Variants in DUSP16 observed in about 807,000 individuals in gnomAD.
DUSP16 encodes the protein dual specificity phosphatase 16.
In DUSP16, 21 loss-of-function variants were observed where a neutral mutation model predicts 58.3. The ratio of observed to expected loss-of-function variants is 0.36; its 90% CI spans 0.26 to 0.52. The LOEUF (loss-of-function observed/expected upper bound fraction) is 0.52. Ranked by LOEUF, DUSP16 falls within the 20% of genes least tolerant of loss-of-function variation. The probability of loss-of-function intolerance (pLI) is 0.94; values close to 1 mark genes in which losing one functional copy is unlikely to be tolerated. For missense variants in DUSP16, 726 were observed against 819.0 expected (o/e 0.89, Z 1.39); for synonymous variants, 320 against 323.8 (o/e 0.99, Z 0.12).
chr12:12,478,748 C>T (rs1356661528), intron 6 of DUSP16, among the ~76,000 whole-genome samples: 1 of 152,172 alleles, frequency 6.6e-6, no homozygotes, highest in Non-Finnish European at 1.5e-5. Context: ...CAATGTCATC[C>T]CCTCTTAAAG....
At chr12:12,548,676 A>T (rs747893814) in intron 1 of DUSP16, among the ~76,000 whole-genome samples, 3 of 151,454 alleles carry the variant, frequency 2.0e-5, no homozygotes, top group Non-Finnish European at 4.4e-5. Flanking sequence ...GAAAAAAAAG[A>T]AATATTTTGC....
chr12:12,534,804 G>C (rs1292796860), intron 1 of DUSP16, among the ~76,000 whole-genome samples: 1 of 152,024 alleles, frequency 6.6e-6, no homozygotes, highest in African/African-American at 2.4e-5. Context: ...TCTTTGATTT[G>C]TTACTCTAAA....
chr12:12,547,953 GGAA>G lies in DUSP16; in HGVS notation c.-366+14161_-366+14163del, dbSNP rs1428600494. On this transcript the variant is annotated intron_variant, in intron 1 of 6. Transcript: ENST00000298573. The stretch of plus-strand genomic sequence containing the variant: ...TCTGGTTTACATATAATGAGGAGAG[GGAA>G]GAAGAAGAGAATCAACCCGAGCCCT... 5.3e-5 allele frequency among the ~76,000 whole-genome samples: 8 copies of G among 152,236 alleles called. No individual in the cohort carries two copies. In the South Asian group the frequency reaches 6.2e-4, roughly 12 times the overall value.
rs779246933 is a variant in DUSP16, at chr12:12,477,410, G to A, written c.1421C>T (p.Ala474Val). Reference protein sequence around the residue: ...EASIPKKLQTARPSDSQSKRL... With the variant: ...EASIPKKLQTVRPSDSQSKRL... The stretch of plus-strand genomic sequence containing the variant: ...CTTGCTCTGGCTGTCTGAAGGCCTG[G>A]CGGTCTGCAGCTTCTTGGGGATGCT... The change falls in exon 7 of 7, where the codon GCC becomes GTC. Residue 474 changes from alanine (A) to valine (V), a missense_variant. By Grantham distance (64) the Ala-to-Val change is moderately conservative (BLOSUM62 0). Coordinates refer to ENST00000298573, the MANE Select transcript of DUSP16 (RefSeq NM_030640.3). This position sits in a 1 kb window ranked among gnomAD's most constrained non-coding sequence, Gnocchi z 4.1. The A allele has an allele frequency of 1.9e-6, 3 of 1,610,520 alleles. No individual in the cohort carries two copies. The highest frequency in any genetic ancestry group is 3.4e-5 in the Admixed American group (2 of 59,582).
At chr12:12,490,714 A>G (rs1303984859) in intron 4 of DUSP16, among the ~76,000 whole-genome samples, 2 of 152,220 alleles carry the variant, frequency 1.3e-5, no homozygotes, top group African/African-American at 4.8e-5. Context: ...AAAGAAGAGC[A>G]GGAACTTGTA....
rs61758451 is a variant in DUSP16, at chr12:12,480,270, G to A, written c.768C>T (p.Ile256=). The change falls in exon 6 of 7, where the codon ATC becomes ATT. Residue 256 remains isoleucine, a synonymous_variant. Transcript: ENST00000298573. ...TGTCCATCCTCTTCATGATGTAGGCGATAGCGATGGTGGCGGAGCGGGAGA... is the reference window on the plus strand; with the variant it reads ...TGTCCATCCTCTTCATGATGTAGGCAATAGCGATGGTGGCGGAGCGGGAGA... The part of the protein sequence containing the change: ...AGISRSATIA[I]AYIMKRMDMS... 10,224 of 1,614,172 alleles carry A rather than the reference G, an allele frequency of 6.3e-3. 43 individuals carry two copies. The highest frequency in any genetic ancestry group is 0.012 in the Middle Eastern group (72 of 6,062).
chr12:12,474,440 T>C lies in DUSP16; in HGVS notation c.*2393A>G, dbSNP rs1276931103. On this transcript the variant is annotated 3_prime_UTR_variant, in exon 7 of 7. Coordinates refer to ENST00000298573, the MANE Select transcript of DUSP16 (RefSeq NM_030640.3). ...TTCTCACATAGAAGTCTAGTTTTGC[T>C]CTTTAAAATCACCATCTGTATCACC... 1 of 152,250 alleles carries C rather than the reference T, an allele frequency of 6.6e-6. No individual in the cohort carries two copies. 9.4% of individuals were successfully genotyped at this position (152,250 alleles called of 1,614,324 possible).
intron 1 of DUSP16, among the ~76,000 whole-genome samples, chr12:12,539,920 A>G (rs922117195): frequency 6.6e-6 from 1 of 151,850 alleles, no homozygotes; most frequent in Admixed American, 6.6e-5. Flanking sequence ...CGGGCGTGGT[A>G]GCATAGTCCC....
intron 3 of DUSP16, among the ~76,000 whole-genome samples, chr12:12,513,163 T>C (rs1043263695): frequency 6.6e-6 from 1 of 152,238 alleles, no homozygotes; most frequent in African/African-American, 2.4e-5. Context: ...CCTTTAACCA[T>C]AGCAAACATT....
intron 5 of DUSP16, 105 bp downstream of exon 5, chr12:12,486,922 CT>C: frequency 7.3e-7 from 1 of 1,366,610 alleles, no homozygotes; most frequent in Non-Finnish European, 1.0e-6. Flanking sequence ...TTTGAAATCT[CT>C]GAAATAGGCT....
At chr12:12,553,978 A>T (rs1173897782) in intron 1 of DUSP16, among the ~76,000 whole-genome samples, 2 of 152,126 alleles carry the variant, frequency 1.3e-5, no homozygotes, top group Non-Finnish European at 2.9e-5. Context: ...CAAGCAGATC[A>T]CTTGAAGTCA....
At chr12:12,496,121 C>T (rs1353756904) in intron 4 of DUSP16, among the ~76,000 whole-genome samples, 1 of 152,230 alleles carries the variant, frequency 6.6e-6, no homozygotes, top group Admixed American at 6.5e-5. Context: ...CGTGCTGCTT[C>T]CACACTGGGA....
chr12:12,497,790 T>G (rs866033838), intron 4 of DUSP16, among the ~76,000 whole-genome samples: 6 of 151,590 alleles, frequency 4.0e-5, no homozygotes, highest in Middle Eastern at 3.4e-3. Context: ...GCAAACATGG[T>G]GAAACCCCGT....
At chr12:12,502,863 G>A (rs1943929381) in intron 3 of DUSP16, among the ~76,000 whole-genome samples, 1 of 152,028 alleles carries the variant, frequency 6.6e-6, no homozygotes. Context: ...AAAACTCATT[G>A]TTATTTCACA....
chr12:12,497,568 A>T lies in DUSP16; in HGVS notation c.531+2951T>A, dbSNP rs73291613. 3.0e-3 allele frequency among the ~76,000 whole-genome samples: 458 copies of T among 152,274 alleles called. 1 individual carries two copies. The highest frequency in any genetic ancestry group is 0.01 in the African/African-American group (432 of 41,546). The stretch of plus-strand genomic sequence containing the variant: ...TAATCCTATTATGAGGGTTAAATGC[A>T]ATAATATAAAAAGCCCAGCATTTTA... On this transcript the variant is annotated intron_variant, in intron 4 of 6. Coordinates refer to ENST00000298573, the MANE Select transcript of DUSP16 (RefSeq NM_030640.3).
chr12:12,561,807 C>T (rs1475141104), intron 1 of DUSP16, among the ~76,000 whole-genome samples: 1 of 151,488 alleles, frequency 6.6e-6, no homozygotes, highest in Non-Finnish European at 1.5e-5. Context: ...CGCCGCGCAG[C>T]GGCCGGGAGC....
chr12:12,515,678 C>T (rs1194022060), intron 3 of DUSP16, among the ~76,000 whole-genome samples: 1 of 151,538 alleles, frequency 6.6e-6, no homozygotes, highest in African/African-American at 2.4e-5. Flanking sequence ...GGAAGATATG[C>T]AGGTCTTTAA....
intron 3 of DUSP16, among the ~76,000 whole-genome samples, chr12:12,512,643 GTAGGATTTCCT>G (rs1944095508): frequency 6.6e-6 from 1 of 152,122 alleles, no homozygotes. Context: ...TTGCAAAATG[GTAGGATTTCCT>G]TCTTTTTTAA....
At chr12:12,559,970 C>T (rs1944871508) in intron 1 of DUSP16, among the ~76,000 whole-genome samples, 1 of 152,116 alleles carries the variant, frequency 6.6e-6, no homozygotes, top group Non-Finnish European at 1.5e-5. Context: ...TTACTGCCTT[C>T]TCAGTTACTG....
Sources: allele counts gnomAD v4.1 joint callset (sites outside exome capture counted in the v4.1 genomes callset), GRCh38; gene constraint gnomAD v4.1.1; non-coding constraint Gnocchi (gnomAD v3.1); transcripts MANE v1.5; gene names NCBI Gene and HGNC (gene_info 2026-07-23, HGNC 2026-07-21).